ARHGEF26: variants seen among roughly 807,000 people sequenced by gnomAD.
ARHGEF26 encodes Rho guanine nucleotide exchange factor (GEF) 26.
A neutral mutation model predicts 89.4 loss-of-function variants in ARHGEF26; 59 were observed. That is an observed-to-expected ratio of 0.66 (90% CI 0.54 to 0.82). The LOEUF (loss-of-function observed/expected upper bound fraction) is 0.82, where lower values mean the gene tolerates loss of function less well. Ranked by LOEUF, ARHGEF26 falls within the 40% of genes least tolerant of loss-of-function variation. The probability of loss-of-function intolerance (pLI) is 0.00; values close to 1 mark genes in which losing one functional copy is unlikely to be tolerated. For missense variants in ARHGEF26, 1,234 were observed against 1,085.6 expected, an observed-to-expected ratio of 1.14 and a Z score of -1.92; for synonymous variants, 500 against 428.4, an observed-to-expected ratio of 1.17 and a Z score of -2.06.
At chr3:154,147,018 G>T (rs767693989) in intron 4 of ARHGEF26, among the ~76,000 whole-genome samples, 1 of 152,176 alleles carries the variant, frequency 6.6e-6, no homozygotes, top group Admixed American at 6.5e-5. Flanking sequence ...TTCAAATGAG[G>T]TTGCTTTGGC....
chr3:154,252,909 CAG>C, intron 12 of ARHGEF26, among the ~76,000 whole-genome samples: 1 of 128,500 alleles, frequency 7.8e-6, no homozygotes, highest in Non-Finnish European at 1.7e-5. Flanking sequence ...CAAGTTCATT[CAG>C]ACTCTTTTGA....
At chr3:154,178,358 C>G (rs1712962677) in intron 6 of ARHGEF26, among the ~76,000 whole-genome samples, 1 of 152,114 alleles carries the variant, frequency 6.6e-6, no homozygotes, top group Non-Finnish European at 1.5e-5. Flanking sequence ...TTCATCACCT[C>G]AAAAAGAAAT....
chr3:154,207,994 C>G (rs759030584), intron 9 of ARHGEF26, among the ~76,000 whole-genome samples: 3 of 152,076 alleles, frequency 2.0e-5, no homozygotes, highest in Non-Finnish European at 2.9e-5. Context: ...AATGCAGGAA[C>G]GGAAAAACAC....
chr3:154,140,274 G>A (rs968927740), intron 4 of ARHGEF26, among the ~76,000 whole-genome samples: 1 of 152,152 alleles, frequency 6.6e-6, no homozygotes, highest in Non-Finnish European at 1.5e-5. Context: ...ATGTAGTCCC[G>A]GGACAATGCC....
chr3:154,202,424 G>C (rs1007306998), intron 9 of ARHGEF26, among the ~76,000 whole-genome samples: 4 of 152,132 alleles, frequency 2.6e-5, no homozygotes, highest in African/African-American at 9.7e-5. Context: ...ATAGTTTGAA[G>C]TCAGGTAGCG....
At chr3:154,239,297 A>AGTGTGT in intron 11 of ARHGEF26, among the ~76,000 whole-genome samples, 1 of 53,020 alleles carries the variant, frequency 1.9e-5, no homozygotes, top group African/African-American at 7.0e-5. Context: ...AGAGAGAGAG[A>AGTGTGT]GAGTGTGTGT....
intron 6 of ARHGEF26, among the ~76,000 whole-genome samples, chr3:154,182,439 G>A (rs1448554366): frequency 6.6e-6 from 1 of 152,168 alleles, no homozygotes; most frequent in Non-Finnish European, 1.5e-5. Flanking sequence ...GTGTCAACCA[G>A]GACCAGAGCA....
intron 9 of ARHGEF26, among the ~76,000 whole-genome samples, chr3:154,216,509 A>ATTTTTTTTTTTTTT (rs1273722931): frequency 3.8e-5 from 1 of 26,342 alleles, no homozygotes. Flanking sequence ...TTTATTTTTT[A>ATTTTTTTTTTTTTT]TTTTTTTTTT....
In ARHGEF26 at chr3:154,217,953, A is replaced by G. The variant is rs1284081558; in HGVS notation, c.1930A>G (p.Ile644Val). 3.2e-6 allele frequency: 5 copies of G among 1,583,512 alleles called. No individual in the cohort carries two copies. The highest frequency in any genetic ancestry group is 2.7e-5 in the African/African-American group (2 of 74,406). ...AATTAACTCCCAGCTGGAATTTAAA[A>G]TTAAGGTATTCTCGTACCTTGTTCA... Reference protein sequence around the residue: ...YTINSQLEFKIKPFPLVSSSR... With the variant: ...YTINSQLEFKVKPFPLVSSSR... The change falls in exon 10 of 15, where the codon ATT becomes GTT. Residue 644 changes from isoleucine to valine, a missense_variant. Transcript: ENST00000465093.
At chr3:154,218,294 T>A (rs1425802322) in intron 10 of ARHGEF26, among the ~76,000 whole-genome samples, 3 of 152,224 alleles carry the variant, frequency 2.0e-5, no homozygotes, top group Admixed American at 2.0e-4. Flanking sequence ...TCTCAAAATG[T>A]TCTGAAAAAC....
chr3:154,143,965 C>A (rs535798628), intron 4 of ARHGEF26, among the ~76,000 whole-genome samples: 1 of 152,132 alleles, frequency 6.6e-6, no homozygotes, highest in Non-Finnish European at 1.5e-5. Flanking sequence ...TAGCCCACAG[C>A]GGGAAATGCA....
chr3:154,126,188 AGACTCCAGTG>A (rs1718320415), intron 3 of ARHGEF26, among the ~76,000 whole-genome samples: 1 of 152,214 alleles, frequency 6.6e-6, no homozygotes, highest in African/African-American at 2.4e-5. Flanking sequence ...AATCTTGAAT[AGACTCCAGTG>A]TTACTTTAGT....
rs200864734 is a variant in ARHGEF26 at position 154,254,813 on chromosome 3, G to A, written c.2462G>A (p.Arg821His). The A allele has an allele frequency of 2.8e-5, 45 of 1,613,588 alleles. No individual in the cohort carries two copies. In the East Asian group the frequency reaches 6.2e-4, roughly 22 times the overall value. Residue 821 changes from arginine (R) to histidine (H), a missense_variant, in exon 14 of 15, where the codon CGT becomes CAT. By Grantham distance (29) the Arg-to-His change is conservative (BLOSUM62 0). Transcript: ENST00000465093. ...GCTGACGTCGTCCTCATCTATCAAC[G>A]TGTCAGCGATGGTGAGTGGGAGCGT... is the stretch of plus-strand genomic sequence containing the variant. ...QVADVVLIYQ[R>H]VSDGWYEGER... is the part of the protein sequence containing the mutation.
chr3:154,225,703 C>A, intron 10 of ARHGEF26, 153 bp from the exon 11 acceptor site: 1 of 674,342 alleles, frequency 1.5e-6, no homozygotes, highest in Non-Finnish European at 2.2e-6. Context: ...CACTGTACTT[C>A]TGTATTTATA....
At chr3:154,183,682 A>G (rs984633720) in intron 6 of ARHGEF26, among the ~76,000 whole-genome samples, 2 of 152,250 alleles carry the variant, frequency 1.3e-5, no homozygotes, top group African/African-American at 4.8e-5. Context: ...AATTATGTCA[A>G]TGTAAAAATA....
In ARHGEF26 at chr3:154,217,856, T is replaced by C. The variant is rs1391641827; in HGVS notation, c.1846-13T>C. The stretch of plus-strand genomic sequence containing the variant: ...CTTGACCTTTAACCCTCGTTACTCT[T>C]CTGTGTTCCCAGTTGGTTCGACTAT... On this transcript the variant is annotated splice_polypyrimidine_tract_variant and intron_variant, in intron 9 of 14. Transcript: ENST00000465093. The C allele has an allele frequency of 6.3e-7, 1 of 1,583,624 alleles. No homozygotes were observed. The highest frequency in any genetic ancestry group is 1.8e-5 in the Admixed American group (1 of 55,568).
At chr3:154,145,974 T>C (rs1719680761) in intron 4 of ARHGEF26, among the ~76,000 whole-genome samples, 4 of 152,342 alleles carry the variant, frequency 2.6e-5, no homozygotes, top group Admixed American at 6.5e-5. Flanking sequence ...AGTGTAATAA[T>C]GGACTCACGG....
intron 12 of ARHGEF26, among the ~76,000 whole-genome samples, chr3:154,252,531 G>T (rs188807578): frequency 1.2e-3 from 178 of 152,252 alleles, no homozygotes; most frequent in African/African-American, 3.8e-3. Context: ...TATATTAAAA[G>T]TATTGGTCAT....
intron 9 of ARHGEF26, among the ~76,000 whole-genome samples, chr3:154,203,738 A>ATT (rs199961289): frequency 1.3e-5 from 2 of 148,150 alleles, no homozygotes; most frequent in Non-Finnish European, 3.0e-5. Flanking sequence ...TGAAATGATC[A>ATT]TTTTTTTTTG....
Sources: allele counts gnomAD v4.1 joint callset (sites outside exome capture counted in the v4.1 genomes callset), GRCh38; gene constraint gnomAD v4.1.1; transcripts MANE v1.5; gene names NCBI Gene and HGNC (gene_info 2026-07-23, HGNC 2026-07-21).